ZCCHC24: variants seen among roughly 807,000 people sequenced by gnomAD.
The protein encoded by ZCCHC24 is zinc finger CCHC domain-containing protein 24.
A neutral mutation model predicts 26.2 loss-of-function variants in ZCCHC24; 10 were observed. The ratio of observed to expected loss-of-function variants is 0.38; its 90% CI spans 0.24 to 0.65. The LOEUF (loss-of-function observed/expected upper bound fraction) is 0.65, where lower values mean the gene tolerates loss of function less well. Among genes scored for constraint, ZCCHC24 ranks in the 30% least tolerant of loss-of-function variants. The pLI is 0.54. For synonymous variants in ZCCHC24, 144 were observed against 147.1 expected (o/e 0.98, Z 0.15); for missense variants, 243 against 329.1 (o/e 0.74, Z 2.03).
chr10:79,402,732 C>T (rs1856653398), intron 2 of ZCCHC24, among the ~76,000 whole-genome samples: 1 of 152,172 alleles, frequency 6.6e-6, no homozygotes, highest in Non-Finnish European at 1.5e-5. Flanking sequence ...TACAGAGAGG[C>T]CAAGCAACCT....
intron 2 of ZCCHC24, among the ~76,000 whole-genome samples, chr10:79,403,800 G>T (rs868195363): frequency 6.6e-6 from 1 of 152,068 alleles, no homozygotes; most frequent in Non-Finnish European, 1.5e-5. Context: ...ACAACACTAG[G>T]GTTTGTCAAA....
At chr10:79,428,935 T>TA (rs35486237) in intron 2 of ZCCHC24, among the ~76,000 whole-genome samples, 18,489 of 150,652 alleles carry the variant, frequency 0.12, 1,381 homozygotes, top group African/African-American at 0.2. Context: ...CAAAAAGAAA[T>TA]AAAAAAAAAT....
chr10:79,403,093 C>T (rs539975834), intron 2 of ZCCHC24, among the ~76,000 whole-genome samples: 105 of 152,372 alleles, frequency 6.9e-4, no homozygotes, highest in African/African-American at 2.1e-3. Context: ...GTGACCCACA[C>T]CAGTCGCGAA....
chr10:79,421,894 G>C (rs1445480469), intron 2 of ZCCHC24, among the ~76,000 whole-genome samples: 3 of 152,164 alleles, frequency 2.0e-5, no homozygotes, highest in Non-Finnish European at 4.4e-5. Context: ...CTCCCAAAGT[G>C]CTGGGATTAC....
chr10:79,391,546 C>G (rs531301788), intron 3 of ZCCHC24, among the ~76,000 whole-genome samples: 2 of 151,922 alleles, frequency 1.3e-5, no homozygotes, highest in Non-Finnish European at 2.9e-5. Context: ...AGGACCCAGC[C>G]CCCAGGACTG....
intron 1 of ZCCHC24, among the ~76,000 whole-genome samples, chr10:79,439,465 T>A (rs1407989245): frequency 6.6e-6 from 1 of 152,104 alleles, no homozygotes; most frequent in East Asian, 1.9e-4. Flanking sequence ...CCCACCCACG[T>A]AGAAAACATT....
chr10:79,396,473 C>A (rs1037392932), intron 2 of ZCCHC24, among the ~76,000 whole-genome samples: 9 of 152,282 alleles, frequency 5.9e-5, no homozygotes, highest in Non-Finnish European at 1.0e-4. Flanking sequence ...CGTGCTTCCT[C>A]CACATCACCT....
At chr10:79,399,626 A>G (rs1418484627) in intron 2 of ZCCHC24, among the ~76,000 whole-genome samples, 1 of 152,156 alleles carries the variant, frequency 6.6e-6, no homozygotes, top group East Asian at 1.9e-4. Flanking sequence ...GGGGGAGGGA[A>G]GGATCCTCTG....
intron 2 of ZCCHC24, among the ~76,000 whole-genome samples, chr10:79,408,573 C>G (rs190113948): frequency 5.3e-5 from 8 of 152,266 alleles, no homozygotes; most frequent in African/African-American, 1.7e-4. Context: ...GCAACCCCGG[C>G]CCCCATGAAC....
chr10:79,421,838 G>A (rs1457380363), intron 2 of ZCCHC24, among the ~76,000 whole-genome samples: 2 of 151,914 alleles, frequency 1.3e-5, no homozygotes, highest in South Asian at 2.1e-4. Flanking sequence ...CATGTTGGCC[G>A]GGCTGGTCTC....
At chr10:79,392,127 AGGCCCACCC>A (rs1345253709) in intron 3 of ZCCHC24, among the ~76,000 whole-genome samples, 2 of 151,854 alleles carry the variant, frequency 1.3e-5, no homozygotes, top group Non-Finnish European at 2.9e-5. Flanking sequence ...TTTTACAAAT[AGGCCCACCC>A]CCCAACCATC....
chr10:79,390,863 A>G (rs1856470769), intron 3 of ZCCHC24, among the ~76,000 whole-genome samples: 1 of 152,152 alleles, frequency 6.6e-6, no homozygotes, highest in Non-Finnish European at 1.5e-5. Context: ...GAGGCCACAC[A>G]GGTCAGGGCT....
chr10:79,436,001 A>C (rs1317731213), intron 1 of ZCCHC24, among the ~76,000 whole-genome samples: 2 of 152,162 alleles, frequency 1.3e-5, no homozygotes, highest in African/African-American at 4.8e-5. Flanking sequence ...AAGGGGGAAG[A>C]AGGGTGACCT....
At chr10:79,423,020 C>T (rs1856968721) in intron 2 of ZCCHC24, among the ~76,000 whole-genome samples, 1 of 152,196 alleles carries the variant, frequency 6.6e-6, no homozygotes, top group South Asian at 2.1e-4. Context: ...TTGACCTCAA[C>T]AAGATATCAC....
chr10:79,441,022 CG>C (rs921483378), intron 1 of ZCCHC24, among the ~76,000 whole-genome samples: 3 of 151,250 alleles, frequency 2.0e-5, no homozygotes, highest in Non-Finnish European at 4.4e-5. Context: ...AGCATCCTCC[CG>C]AACTCTGGGC....
At chr10:79,391,714 CG>C (rs1208253427) in intron 3 of ZCCHC24, among the ~76,000 whole-genome samples, 1 of 151,944 alleles carries the variant, frequency 6.6e-6, no homozygotes, top group African/African-American at 2.4e-5. Context: ...AGCTATCCTC[CG>C]GGCCCCCGGT....
intron 2 of ZCCHC24, among the ~76,000 whole-genome samples, chr10:79,418,503 C>T (rs1755501937): frequency 6.6e-6 from 1 of 152,200 alleles, no homozygotes; most frequent in African/African-American, 2.4e-5. Flanking sequence ...CTAGGCACGA[C>T]TCACCAAGGC....
intron 2 of ZCCHC24, among the ~76,000 whole-genome samples, chr10:79,429,324 T>G (rs914757001): frequency 1.4e-4 from 21 of 152,230 alleles, no homozygotes; most frequent in African/African-American, 5.1e-4. Context: ...GGCTCATGCC[T>G]GTAATCCCAG....
chr10:79,438,924 G>T (rs1451129751), intron 1 of ZCCHC24, among the ~76,000 whole-genome samples: 3 of 152,228 alleles, frequency 2.0e-5, no homozygotes, highest in African/African-American at 7.2e-5. Context: ...TGGGGACCGG[G>T]CTGCCTCTTA....
Sources: gnomAD v4.1 joint callset for allele counts (sites outside exome capture counted in the v4.1 genomes callset) on GRCh38, gnomAD v4.1.1 for gene constraint, MANE v1.5 for transcripts, NCBI Gene and HGNC (gene_info 2026-07-23, HGNC 2026-07-21) for gene names.